TEP1: variants seen among roughly 807,000 people sequenced by gnomAD.
The protein encoded by TEP1 is telomerase associated protein 1.
In TEP1, 241 loss-of-function variants were observed where a neutral mutation model predicts 306.3. That is an observed-to-expected ratio of 0.79 (90% CI 0.71 to 0.88). The LOEUF (loss-of-function observed/expected upper bound fraction) is 0.88. Among genes scored for constraint, TEP1 ranks in the 40% least tolerant of loss-of-function variants. The pLI is 0.00. For synonymous variants in TEP1, 1,289 were observed against 1,305.5 expected (o/e 0.99, Z 0.27); for missense variants, 3,051 against 3,276.1 (o/e 0.93, Z 1.68).
intron 1 of TEP1, among the ~76,000 whole-genome samples, chr14:20,411,539 G>A (rs1879680107): frequency 6.6e-6 from 1 of 152,164 alleles, no homozygotes; most frequent in Non-Finnish European, 1.5e-5. Context: ...CTATCATAGA[G>A]CACATCACCT....
At chr14:20,369,052 G>A (rs1884657102) in intron 53 of TEP1, 150 bp from the exon 54 acceptor site, 6 of 676,166 alleles carry the variant, frequency 8.9e-6, no homozygotes, top group Admixed American at 5.5e-5. Flanking sequence ...CTGTCGCCCA[G>A]GCTGGAGTGC....
Position 20,381,499 on chromosome 14 carries a change from C to T in TEP1, c.4558+54G>A. 1.2e-6 allele frequency: 2 copies of T among 1,612,620 alleles called. No homozygotes were observed. Among genetic ancestry groups the T allele is most frequent in the Admixed American group, 1.7e-5 (1 of 60,028 alleles). On this transcript the variant is annotated intron_variant, in intron 31 of 54. Transcript: ENST00000262715. The surrounding 1 kb of genome is among the most constrained non-coding windows in gnomAD (Gnocchi z 4.0). ...ATGGGAGCACAGTGGGTGGTCCTGG[C>T]CTCCAGGCCCAAGCCCCACACTCAG...
rs763412665 is a variant in TEP1 at position 20,382,295 on chromosome 14, C to T, written c.4202G>A (p.Ser1401Asn). 1 of 1,613,980 alleles carries T rather than the reference C, an allele frequency of 6.2e-7. No individual in the cohort carries two copies. Among genetic ancestry groups the T allele is most frequent in the South Asian group, 1.1e-5 (1 of 91,064 alleles). ...TVPLLLQHIL[S>N]TLEKEHGPDV... ...AGGCCCGTGCTCCTTCTCCAGTGTGCTCAGGATGTGCTGCAGCAGCAGGGG... is the reference window on the plus strand; with the variant it reads ...AGGCCCGTGCTCCTTCTCCAGTGTGTTCAGGATGTGCTGCAGCAGCAGGGG... Residue 1401 changes from serine to asparagine, a missense_variant, in exon 29 of 55, where the codon AGC (serine) becomes AAC (asparagine). Transcript: ENST00000262715.
At chr14:20,368,950 T>G (rs1193863834) in intron 53 of TEP1, 48 bp from the exon 54 acceptor site, 17 of 1,356,598 alleles carry the variant, frequency 1.3e-5, no homozygotes, top group South Asian at 7.3e-5. Flanking sequence ...CAGGGGCCCC[T>G]CCTCAGAGAA....
chr14:20,405,345 T>C, intron 4 of TEP1, 106 bp downstream of exon 4: 1 of 1,353,270 alleles, frequency 7.4e-7, no homozygotes. Flanking sequence ...TAAGAGAAGC[T>C]CCTCCCACCC....
At chr14:20,403,014 A>G (rs1713441) in intron 7 of TEP1, among the ~76,000 whole-genome samples, 104,458 of 151,702 alleles carry the variant, frequency 0.69, 37,413 homozygotes, top group African/African-American at 0.9. Context: ...AAAATTAGCC[A>G]AGCGTGGTGG....
At chr14:20,386,392 C>T (rs1877150952) in intron 19 of TEP1, 55 bp downstream of exon 19, 2 of 1,575,614 alleles carry the variant, frequency 1.3e-6, no homozygotes, top group African/African-American at 2.7e-5. Flanking sequence ...ACCTCAGGTC[C>T]ACCACTCAAG....
rs1876575231 is a variant in TEP1, at chr14:20,381,875, C to A, written c.4424+38G>T. 1 of 1,608,734 alleles carries A rather than the reference C, an allele frequency of 6.2e-7. No individual in the cohort carries two copies. Among genetic ancestry groups the A allele is most frequent in the Non-Finnish European group, 8.5e-7 (1 of 1,177,394 alleles). On this transcript the variant is annotated intron_variant, in intron 30 of 54. Transcript: ENST00000262715. The surrounding 1 kb of genome is among the most constrained non-coding windows in gnomAD (Gnocchi z 4.0). ...GCCCCGGCTCAAAGAAGGGAAGGCA[C>A]AGAGAGGTCAGCGGGAGCTCTGCTG...
intron 10 of TEP1, 136 bp from the exon 11 acceptor site, chr14:20,396,085 A>G (rs973728315): frequency 1.8e-6 from 1 of 544,372 alleles, no homozygotes; most frequent in Non-Finnish European, 3.3e-6. Flanking sequence ...GAAAAGGGGT[A>G]ATAAGAAGAA....
intron 3 of TEP1, 111 bp downstream of exon 3, chr14:20,406,122 T>C (rs1158168212): frequency 1.0e-6 from 1 of 983,326 alleles, no homozygotes; most frequent in African/African-American, 1.6e-5. Flanking sequence ...AAGAGCTAGG[T>C]TGTATCCCTA....
Position 20,381,072 on chromosome 14 carries a change from G to T in TEP1, c.4648-27C>A. On this transcript the variant is annotated intron_variant, in intron 32 of 54. Coordinates refer to ENST00000262715, the MANE Select transcript of TEP1 (RefSeq NM_007110.5). This position sits in a 1 kb window ranked among gnomAD's most constrained non-coding sequence, Gnocchi z 4.0. ...TGAGAAGGTCAGATTGAATTCATTA[G>T]GGATATGAAGGGGCTGGTGAGAAGG... 2 of 1,568,172 alleles carry T rather than the reference G, an allele frequency of 1.3e-6. No homozygotes were observed. Among genetic ancestry groups the T allele is most frequent in the South Asian group, 2.2e-5 (2 of 90,066 alleles).
intron 41 of TEP1, among the ~76,000 whole-genome samples, chr14:20,376,604 CTG>C (rs750347118): frequency 1.3e-5 from 2 of 152,244 alleles, no homozygotes. Context: ...ACCTCGTGAC[CTG>C]TGAGGACCAG....
In TEP1 at chr14:20,373,008, C is replaced by T. The variant is rs886295033; in HGVS notation, c.6951+3G>A. ...ACAAAGAACCAAGGGTACACCGACT[C>T]ACCTGTGCTGTGGCCACAGCCTTAG... On this transcript the variant is annotated splice_donor_region_variant and intron_variant, in intron 48 of 54. Transcript: ENST00000262715. 6.2e-7 allele frequency: 1 copy of T among 1,614,058 alleles called. No homozygotes were observed. The highest frequency in any genetic ancestry group is 8.5e-7 in the Non-Finnish European group (1 of 1,180,038).
At chr14:20,384,906 C>T in intron 21 of TEP1, 79 bp downstream of exon 21, 1 of 1,600,522 alleles carries the variant, frequency 6.2e-7, no homozygotes, top group South Asian at 1.1e-5. Flanking sequence ...CCCTTCTATA[C>T]TCTGAATACT....
intron 15 of TEP1, 27 bp from the exon 16 acceptor site, chr14:20,389,767 T>C: frequency 6.2e-7 from 1 of 1,613,296 alleles, no homozygotes; most frequent in Non-Finnish European, 8.5e-7. Context: ...GAGAAGATGC[T>C]AGAGAAGGGA....
At chr14:20,409,487 C>T (rs1467588899) in intron 1 of TEP1, among the ~76,000 whole-genome samples, 1 of 152,174 alleles carries the variant, frequency 6.6e-6, no homozygotes, top group Admixed American at 6.5e-5. Flanking sequence ...TTATCCATTT[C>T]CCCGTTGGAC....
chr14:20,383,432 G>A (rs554064688), intron 26 of TEP1, 56 bp downstream of exon 26: 64 of 1,611,950 alleles, frequency 4.0e-5, no homozygotes, highest in South Asian at 3.0e-4. Flanking sequence ...CCTCCGTGCC[G>A]TATCCCTCCT....
At chr14:20,398,484 C>A in intron 9 of TEP1, among the ~76,000 whole-genome samples, 1 of 148,316 alleles carries the variant, frequency 6.7e-6, no homozygotes, top group Admixed American at 6.8e-5. Context: ...TGCTATAAGT[C>A]AAATTATATA....
chr14:20,372,929 C>A, intron 48 of TEP1, 72 bp from the exon 49 acceptor site: 2 of 1,613,316 alleles, frequency 1.2e-6, no homozygotes, highest in South Asian at 1.1e-5. Flanking sequence ...CTCCCAGGCA[C>A]ATATGCAACC....
Sources: gnomAD v4.1 joint callset for allele counts (sites outside exome capture counted in the v4.1 genomes callset) on GRCh38, gnomAD v4.1.1 for gene constraint, Gnocchi (gnomAD v3.1) non-coding constraint, MANE v1.5 for transcripts, NCBI Gene and HGNC (gene_info 2026-07-23, HGNC 2026-07-21) for gene names.